Variants in PUM1 observed in about 807,000 individuals in gnomAD.
PUM1 encodes the protein pumilio RNA binding family member 1, also known as pumilio homolog 1.
In PUM1, 13 loss-of-function variants were observed where a neutral mutation model predicts 131.8. The observed-to-expected ratio is 0.10, with a 90% CI of 0.06 to 0.16. PUM1 has a LOEUF of 0.16. PUM1 is among the 10% of genes least tolerant of loss of function. The pLI, the probability that PUM1 is intolerant of heterozygous loss-of-function variation, is 1.00. For synonymous variants in PUM1, 509 were observed against 556.5 expected (o/e 0.91, Z 1.20); for missense variants, 961 against 1,512.4 (o/e 0.64, Z 6.05).
intron 14 of PUM1, among the ~76,000 whole-genome samples, chr1:30,959,592 A>G (rs1302187579): frequency 6.6e-6 from 1 of 152,154 alleles, no homozygotes; most frequent in Admixed American, 6.5e-5. Flanking sequence ...TACAGGATAA[A>G]AGCCACATGA....
At chr1:31,035,395 G>GA (rs145331151) in intron 2 of PUM1, among the ~76,000 whole-genome samples, 140 of 135,740 alleles carry the variant, frequency 1.0e-3, no homozygotes, top group Middle Eastern at 7.7e-3. Context: ...TGTCTCAAAA[G>GA]AAAAAAAAAA....
At chr1:30,969,055 G>A (rs898144098) in intron 10 of PUM1, among the ~76,000 whole-genome samples, 1 of 152,118 alleles carries the variant, frequency 6.6e-6, no homozygotes, top group Non-Finnish European at 1.5e-5. Context: ...TGTAATCCTA[G>A]CACTTTGGGA....
intron 14 of PUM1, among the ~76,000 whole-genome samples, chr1:30,956,252 T>G (rs186541111): frequency 5.3e-5 from 8 of 151,072 alleles, no homozygotes; most frequent in East Asian, 3.9e-4. Flanking sequence ...CATAAGACTG[T>G]TTTTTTTTGT....
At chr1:31,014,374 G>A (rs1642735793) in intron 3 of PUM1, among the ~76,000 whole-genome samples, 1 of 151,434 alleles carries the variant, frequency 6.6e-6, no homozygotes, top group Non-Finnish European at 1.5e-5. Flanking sequence ...GCTGGATGCA[G>A]TGGCTCATGC....
intron 3 of PUM1, among the ~76,000 whole-genome samples, chr1:31,012,739 C>G (rs1227277596): frequency 6.6e-6 from 1 of 151,970 alleles, no homozygotes; most frequent in African/African-American, 2.4e-5. Context: ...ACACTTAACA[C>G]TTAACAATCA....
chr1:31,060,662 T>A (rs1557611732), intron 1 of PUM1, among the ~76,000 whole-genome samples: 2 of 150,784 alleles, frequency 1.3e-5, no homozygotes, highest in African/African-American at 2.4e-5. Context: ...AAGGCAGGTG[T>A]ATCACTTGAG....
chr1:30,950,483 G>A (rs534473721), intron 16 of PUM1, among the ~76,000 whole-genome samples: 17 of 152,082 alleles, frequency 1.1e-4, no homozygotes, highest in Admixed American at 2.0e-4. Context: ...GAAGTTTCTC[G>A]GATACCCAAC....
At chr1:31,012,383 A>G (rs1169045076) in intron 3 of PUM1, among the ~76,000 whole-genome samples, 1 of 152,034 alleles carries the variant, frequency 6.6e-6, no homozygotes, top group African/African-American at 2.4e-5. Context: ...CATCCCCAGC[A>G]ATAAAATAAA....
Position 30,942,009 on chromosome 1 carries a change from G to C in PUM1, c.3109C>G (p.Gln1037Glu), listed in dbSNP as rs1557544920. The part of the protein sequence containing the change: ...ILEELHQHTE[Q>E]LVQDQYGNYV... ...GGCAACTCCACTACCTGTACAAGCT[G>C]CTCTGTGTGCTGGTGAAGCTCCTCT... Residue 1037 changes from glutamine to glutamate, a missense_variant, in exon 19 of 22, where the codon CAG (glutamine) becomes GAG (glutamate). Gln to Glu is a conservative substitution (Grantham distance 29). This residue lies in a region of PUM1 where 178 missense variants were observed against 327.5 expected (regional missense o/e 0.54). Transcript: ENST00000426105. 6.3e-7 allele frequency: 1 copy of C among 1,577,268 alleles called. No homozygotes were observed. Among genetic ancestry groups the C allele is most frequent in the East Asian group, 2.4e-5 (1 of 41,788 alleles).
intron 14 of PUM1, among the ~76,000 whole-genome samples, chr1:30,957,469 C>T (rs1003699264): frequency 6.6e-6 from 1 of 152,118 alleles, no homozygotes; most frequent in Admixed American, 6.5e-5. Context: ...GGTTTGGGTG[C>T]AACACTCTGG....
At chr1:30,950,084 A>G in intron 17 of PUM1, 43 bp downstream of exon 17, 1 of 1,593,770 alleles carries the variant, frequency 6.3e-7, no homozygotes, top group Middle Eastern at 1.7e-4. Context: ...TGTACCATGG[A>G]GAAACATCAA....
chr1:30,932,838 T>C lies in PUM1; in HGVS notation c.*373A>G, dbSNP rs2124368142. ...AAAAACCTTTTCCTTTTTTTCTTTT[T>C]TTTTTAAAGCTTTTTTTTTTTGTTA... On this transcript the variant is annotated 3_prime_UTR_variant, in exon 22 of 22. Coordinates refer to ENST00000426105, the MANE Select transcript of PUM1 (RefSeq NM_001020658.2). 2 of 153,558 alleles carry C rather than the reference T, an allele frequency of 1.3e-5. No homozygotes were observed. Among genetic ancestry groups the C allele is most frequent in the Middle Eastern group, 3.3e-3 (1 of 304 alleles). The allele number at this position is 153,558 out of a possible 1,614,324, so 9.5% of individuals were successfully genotyped here. A position where few individuals can be genotyped will look rare whatever the true frequency, so the allele number is the denominator to read the frequency against.
chr1:30,981,298 G>A lies in PUM1; in HGVS notation c.1252+14C>T. The A allele has an allele frequency of 6.5e-7, 1 of 1,545,730 alleles. No homozygotes were observed. The highest frequency in any genetic ancestry group is 8.9e-7 in the Non-Finnish European group (1 of 1,128,876). ...CACACCTATCATGAAAGAGCTATGG[G>A]CTTAAGGACTTACCGATGTGCGGCT... is the stretch of plus-strand genomic sequence containing the variant. On this transcript the variant is annotated intron_variant, in intron 8 of 21. Transcript: ENST00000426105.
At chr1:30,936,572 C>G in intron 21 of PUM1, 71 bp downstream of exon 21, 1 of 1,407,014 alleles carries the variant, frequency 7.1e-7, no homozygotes, top group African/African-American at 1.4e-5. Context: ...GGCACCCACC[C>G]TCCTTTGTGT....
chr1:30,958,433 A>G (rs1355238559), intron 14 of PUM1, among the ~76,000 whole-genome samples: 5 of 152,210 alleles, frequency 3.3e-5, no homozygotes, highest in Non-Finnish European at 7.3e-5. Context: ...AGGGCAAATG[A>G]AAAGCCTGGG....
intron 2 of PUM1, among the ~76,000 whole-genome samples, chr1:31,058,939 C>T (rs1159087059): frequency 1.3e-5 from 2 of 152,212 alleles, no homozygotes; most frequent in South Asian, 4.2e-4. Context: ...CGAGATCAGG[C>T]GACTACACTC....
chr1:31,047,113 C>T (rs1465287098), intron 2 of PUM1, among the ~76,000 whole-genome samples: 2 of 152,114 alleles, frequency 1.3e-5, no homozygotes, highest in Non-Finnish European at 2.9e-5. Flanking sequence ...CACTTGAACC[C>T]GGGAGGTGGA....
intron 5 of PUM1, 44 bp downstream of exon 5, chr1:31,005,809 G>C: frequency 2.6e-6 from 4 of 1,516,192 alleles, no homozygotes; most frequent in Non-Finnish European, 3.5e-6. Context: ...GAGAGAGAGA[G>C]AGAGAGAGAG....
chr1:30,947,316 T>C (rs1329299494), intron 17 of PUM1, among the ~76,000 whole-genome samples: 1 of 152,156 alleles, frequency 6.6e-6, no homozygotes, highest in Admixed American at 6.5e-5. Context: ...AAACTATGGA[T>C]AGAAAGTGAC....
Sources: gnomAD v4.1 joint callset for allele counts (sites outside exome capture counted in the v4.1 genomes callset) on GRCh38, gnomAD v4.1.1 for gene constraint, gnomAD v4.1.1 regional missense constraint, MANE v1.5 for transcripts, NCBI Gene and HGNC (gene_info 2026-07-23, HGNC 2026-07-21) for gene names.